RARB: variants seen among roughly 807,000 people sequenced by gnomAD.
RARB encodes the protein retinoic acid receptor beta, also known as HBV-activated protein.
A neutral mutation model predicts 51.9 loss-of-function variants in RARB; 17 were observed. The ratio of observed to expected loss-of-function variants is 0.33; its 90% CI spans 0.22 to 0.49. The LOEUF (loss-of-function observed/expected upper bound fraction) is 0.49. RARB is among the 20% of genes least tolerant of loss of function. RARB has a pLI of 0.99. For synonymous variants in RARB, 215 were observed against 195.4 expected (o/e 1.10, Z -0.84); for missense variants, 369 against 550.8 (o/e 0.67, Z 3.30).
chr3:24,942,009 G>A (rs1193068278), intron 2 of RARB, among the ~76,000 whole-genome samples: 1 of 152,192 alleles, frequency 6.6e-6, no homozygotes, highest in Non-Finnish European at 1.5e-5. Context: ...AGTTTCCACA[G>A]CACAGAAATG....
intron 3 of RARB, among the ~76,000 whole-genome samples, chr3:25,545,965 A>C (rs1284938193): frequency 6.6e-6 from 1 of 152,230 alleles, no homozygotes; most frequent in African/African-American, 2.4e-5. Flanking sequence ...GAATTAGTTA[A>C]GGAAGGCCTT....
chr3:25,396,717 G>A (rs970116558), intron 5 of RARB, among the ~76,000 whole-genome samples: 3 of 152,118 alleles, frequency 2.0e-5, no homozygotes, highest in African/African-American at 7.2e-5. Context: ...CTGTGGCGCT[G>A]TGGAGATGGG....
At chr3:25,186,804 A>G (rs1305034076) in intron 5 of RARB, among the ~76,000 whole-genome samples, 1 of 152,016 alleles carries the variant, frequency 6.6e-6, no homozygotes, top group African/African-American at 2.4e-5. Flanking sequence ...TTAACATCAG[A>G]AAAAACATAC....
intron 5 of RARB, among the ~76,000 whole-genome samples, chr3:25,206,855 T>A (rs962045406): frequency 1.3e-5 from 2 of 152,184 alleles, no homozygotes; most frequent in African/African-American, 2.4e-5. Context: ...GACTGATGAC[T>A]ACCTGAGTGC....
intron 2 of RARB, among the ~76,000 whole-genome samples, chr3:24,903,812 A>G (rs537127903): frequency 2.6e-5 from 4 of 152,332 alleles, no homozygotes; most frequent in South Asian, 4.1e-4. Context: ...TATGTTCTCT[A>G]TACATTTTTA....
chr3:25,510,343 G>T (rs1697825446), intron 3 of RARB, among the ~76,000 whole-genome samples: 1 of 152,140 alleles, frequency 6.6e-6, no homozygotes, highest in African/African-American at 2.4e-5. Context: ...ATAATTACAG[G>T]CCGGGCACAG....
At chr3:24,993,123 A>C (rs1209980846) in intron 2 of RARB, among the ~76,000 whole-genome samples, 1 of 152,174 alleles carries the variant, frequency 6.6e-6, no homozygotes. Context: ...ACAAACACAC[A>C]TTCACTTTTT....
chr3:25,254,287 A>G (rs1268166507), intron 5 of RARB, among the ~76,000 whole-genome samples: 1 of 152,224 alleles, frequency 6.6e-6, no homozygotes, highest in East Asian at 1.9e-4. Context: ...TTTACTTTCC[A>G]TGTCCCCATT....
At chr3:25,343,662 T>C (rs1163802462) in intron 5 of RARB, among the ~76,000 whole-genome samples, 1 of 152,230 alleles carries the variant, frequency 6.6e-6, no homozygotes, top group Non-Finnish European at 1.5e-5. Context: ...CAGTGTTTGA[T>C]ACACTAATGT....
chr3:25,129,428 G>A (rs2125332291), intron 3 of RARB, among the ~76,000 whole-genome samples: 1 of 152,090 alleles, frequency 6.6e-6, no homozygotes, highest in South Asian at 2.1e-4. Flanking sequence ...GAGCATAAAT[G>A]GATAAAATGA....
At chr3:25,366,642 A>C (rs554924766) in intron 5 of RARB, among the ~76,000 whole-genome samples, 1 of 152,328 alleles carries the variant, frequency 6.6e-6, no homozygotes, top group African/African-American at 2.4e-5. Context: ...ATACTGGTCA[A>C]CCACTGTTTT....
rs554877430 is a variant in RARB at position 25,154,136 on chromosome 3, A to G, written c.-279-19983A>G. On this transcript the variant is annotated intron_variant, in intron 4 of 11. Transcript: ENST00000383772. The stretch of plus-strand genomic sequence containing the variant: ...GCTATGTTGTGTTACACAATTAAAG[A>G]TATCTTATTGATTTTTCCTTTTATT... Among the ~76,000 whole-genome samples, 47 of 152,326 alleles carry G rather than the reference A, an allele frequency of 3.1e-4. No homozygotes were observed. In the East Asian group the frequency reaches 6.9e-3, roughly 22 times the overall value.
intron 1 of RARB, among the ~76,000 whole-genome samples, chr3:25,438,701 C>T (rs1291055101): frequency 1.3e-5 from 2 of 152,126 alleles, no homozygotes; most frequent in African/African-American, 4.8e-5. Context: ...CTTGGGGGTC[C>T]TCAGCTTCAG....
At chr3:24,923,100 G>A (rs990291191) in intron 2 of RARB, among the ~76,000 whole-genome samples, 1 of 152,152 alleles carries the variant, frequency 6.6e-6, no homozygotes, top group South Asian at 2.1e-4. Flanking sequence ...AGGGTAAAAG[G>A]TCAAGAGACC....
chr3:24,934,518 TATATA>T (rs1170693447), intron 2 of RARB, among the ~76,000 whole-genome samples: 4 of 152,162 alleles, frequency 2.6e-5, no homozygotes, highest in African/African-American at 7.2e-5. Flanking sequence ...TTCTATAAAT[TATATA>T]AGAATAAGCC....
At chr3:25,013,492 T>G (rs1697441036) in intron 2 of RARB, among the ~76,000 whole-genome samples, 1 of 152,254 alleles carries the variant, frequency 6.6e-6, no homozygotes, top group South Asian at 2.1e-4. Flanking sequence ...ATTTCCTGTT[T>G]CAGTCATCCT....
At position 25,201,343 on chromosome 3, in the gene RARB, G is replaced by A. The variant is rs188321440; in HGVS notation, c.178+26768G>A. ...AGGCGATTTTGGGCTGAGACGATGG[G>A]GTTTTCTAGATATACAATCATGTCA... On this transcript the variant is annotated intron_variant, in intron 5 of 11. Coordinates refer to the RARB transcript ENST00000383772. Among the ~76,000 whole-genome samples, 684 of 152,136 alleles carry A rather than the reference G, an allele frequency of 4.5e-3. 1 individual carries two copies. The highest frequency in any genetic ancestry group is 0.024 in the Middle Eastern group (7 of 294).
intron 5 of RARB, among the ~76,000 whole-genome samples, chr3:25,285,430 G>A (rs1394653725): frequency 6.6e-6 from 1 of 152,176 alleles, no homozygotes; most frequent in African/African-American, 2.4e-5. Flanking sequence ...GGGGTTTGTA[G>A]GGCACATGAC....
chr3:24,975,460 G>A (rs1319831543), intron 2 of RARB, among the ~76,000 whole-genome samples: 1 of 152,078 alleles, frequency 6.6e-6, no homozygotes, highest in Non-Finnish European at 1.5e-5. Context: ...AATTATCATT[G>A]TTGTTTTAAT....
Sources: gnomAD v4.1 joint callset for allele counts (sites outside exome capture counted in the v4.1 genomes callset) on GRCh38, gnomAD v4.1.1 for gene constraint, MANE v1.5 for transcripts, NCBI Gene and HGNC (gene_info 2026-07-23, HGNC 2026-07-21) for gene names.